FAM171A1: variants seen among roughly 807,000 people sequenced by gnomAD.
The protein encoded by FAM171A1 is protein FAM171A1.
A neutral mutation model predicts 74.9 loss-of-function variants in FAM171A1; 23 were observed. That is an observed-to-expected ratio of 0.31 (90% confidence interval 0.22 to 0.44). The LOEUF is 0.44. Ranked by LOEUF, FAM171A1 falls within the 20% of genes least tolerant of loss-of-function variation. The pLI, the probability that FAM171A1 is intolerant of heterozygous loss-of-function variation, is 1.00. For missense variants in FAM171A1, 1,162 were observed against 1,159.2 expected (o/e 1.00, Z -0.03); for synonymous variants, 527 against 505.7 (o/e 1.04, Z -0.57).
At chr10:15,265,578 GAAAAAAAAAAAA>G (rs58125400) in intron 3 of FAM171A1, among the ~76,000 whole-genome samples, 8 of 37,708 alleles carry the variant, frequency 2.1e-4, no homozygotes, top group Non-Finnish European at 3.0e-4. Flanking sequence ...TGGTGCCTCT[GAAAAAAAAAAAA>G]AAAAAAAAAA....
intron 3 of FAM171A1, among the ~76,000 whole-genome samples, chr10:15,268,015 T>C (rs184186450): frequency 6.6e-6 from 1 of 152,246 alleles, no homozygotes; most frequent in East Asian, 1.9e-4. Context: ...AGGCCGACAG[T>C]GAGCACGTGG....
intron 1 of FAM171A1, among the ~76,000 whole-genome samples, chr10:15,363,009 C>T (rs1004528156): frequency 6.6e-6 from 1 of 152,230 alleles, no homozygotes; most frequent in Non-Finnish European, 1.5e-5. Context: ...ATTTAGCACA[C>T]TGTCTTCATA....
At chr10:15,296,575 G>A (rs1409354554) in intron 1 of FAM171A1, among the ~76,000 whole-genome samples, 1 of 152,174 alleles carries the variant, frequency 6.6e-6, no homozygotes, top group African/African-American at 2.4e-5. Context: ...GGACTGTGCA[G>A]GCATACTTCA....
At chr10:15,271,784 A>C (rs1039163683) in intron 3 of FAM171A1, among the ~76,000 whole-genome samples, 2 of 152,194 alleles carry the variant, frequency 1.3e-5, no homozygotes, top group African/African-American at 4.8e-5. Flanking sequence ...CAGCCAAACT[A>C]AGCTTCATAA....
intron 1 of FAM171A1, among the ~76,000 whole-genome samples, chr10:15,350,264 G>A (rs984692688): frequency 2.6e-5 from 4 of 152,118 alleles, no homozygotes; most frequent in Non-Finnish European, 5.9e-5. Flanking sequence ...CCATCCAAAA[G>A]CTACAATCCA....
chr10:15,358,403 G>A (rs2131886702), intron 1 of FAM171A1, among the ~76,000 whole-genome samples: 1 of 152,282 alleles, frequency 6.6e-6, no homozygotes, highest in East Asian at 1.9e-4. Flanking sequence ...GAGAAAAAAG[G>A]CATCTCATTA....
At chr10:15,336,604 G>A (rs561688341) in intron 1 of FAM171A1, among the ~76,000 whole-genome samples, 16 of 152,276 alleles carry the variant, frequency 1.1e-4, no homozygotes, top group African/African-American at 3.4e-4. Context: ...GACTTATGAT[G>A]TGGTTGTGTC....
chr10:15,325,539 C>A (rs553379556), intron 1 of FAM171A1, among the ~76,000 whole-genome samples: 2 of 152,220 alleles, frequency 1.3e-5, no homozygotes, highest in East Asian at 3.9e-4. Context: ...TCCATCTTTT[C>A]TTTGCTTCTT....
intron 1 of FAM171A1, among the ~76,000 whole-genome samples, chr10:15,321,828 T>C (rs1241371645): frequency 6.6e-6 from 1 of 152,212 alleles, no homozygotes; most frequent in Non-Finnish European, 1.5e-5. Flanking sequence ...TAAGATAAAA[T>C]GCTTAAGATA....
rs1564611142 is a variant in FAM171A1, at chr10:15,213,168, G to A, written c.2420C>T (p.Thr807Ile). 17 of 1,614,006 alleles carry A rather than the reference G, an allele frequency of 1.1e-5. No homozygotes were observed. The highest frequency in any genetic ancestry group is 1.3e-5 in the Non-Finnish European group (15 of 1,180,046). ...GCATCGCAGGGCACTGTCCTCGGGGGTACAGACCGTGGTCCCACATTCGCT... is the reference window on the plus strand; with the variant it reads ...GCATCGCAGGGCACTGTCCTCGGGGATACAGACCGTGGTCCCACATTCGCT... ...SGSECGTTVC[T>I]PEDSALRCLL... Residue 807 changes from threonine (T) to isoleucine (I), a missense_variant, in exon 8 of 8, where the codon ACC (threonine) becomes ATC (isoleucine). Transcript: ENST00000378116. This position sits in a 1 kb window ranked among gnomAD's most constrained non-coding sequence, Gnocchi z 6.8.
chr10:15,228,636 G>A (rs4375345), intron 5 of FAM171A1, among the ~76,000 whole-genome samples: 46,923 of 152,082 alleles, frequency 0.31, 7,439 homozygotes, highest in Admixed American at 0.35. Flanking sequence ...CGTGCGCCCC[G>A]CGCCAGCCCA....
chr10:15,322,729 G>A (rs780778557), intron 1 of FAM171A1, among the ~76,000 whole-genome samples: 9 of 152,202 alleles, frequency 5.9e-5, no homozygotes, highest in Non-Finnish European at 7.3e-5. Flanking sequence ...CAGTGTTTGG[G>A]GTCTGGTCCT....
rs558011128 is a variant in FAM171A1 at position 15,219,541 on chromosome 10, A to G, written c.871+1403T>C. Among the ~76,000 whole-genome samples the G allele has an allele frequency of 3.3e-5, 5 of 152,330 alleles. No homozygotes were observed. In the East Asian group the frequency reaches 9.6e-4, roughly 29 times the overall value. ...GCATTTCTACGTGTGGTTCATGCTT[A>G]TATCACTACAAAAACAATAGCATCA... On this transcript the variant is annotated intron_variant, in intron 6 of 7. Transcript: ENST00000378116.
chr10:15,254,915 A>G (rs1351673620), intron 3 of FAM171A1, 36 bp from the exon 4 acceptor site: 3 of 1,592,506 alleles, frequency 1.9e-6, no homozygotes, highest in African/African-American at 1.3e-5. Flanking sequence ...CTCCCCCAGG[A>G]GCAGTTTCTG....
At chr10:15,319,251 C>T (rs887014030) in intron 1 of FAM171A1, among the ~76,000 whole-genome samples, 24 of 152,018 alleles carry the variant, frequency 1.6e-4, no homozygotes, top group Non-Finnish European at 2.9e-5. Context: ...CAGAAAAGTC[C>T]ACGTTCACCA....
chr10:15,291,502 C>T (rs557314861), intron 1 of FAM171A1, among the ~76,000 whole-genome samples: 2 of 152,182 alleles, frequency 1.3e-5, no homozygotes, highest in Non-Finnish European at 2.9e-5. Flanking sequence ...ATATTTCTAT[C>T]ATTGCAGAAA....
At chr10:15,239,422 A>C (rs1416968603) in intron 5 of FAM171A1, among the ~76,000 whole-genome samples, 2 of 151,854 alleles carry the variant, frequency 1.3e-5, no homozygotes, top group Admixed American at 1.3e-4. Context: ...TCAGCCTCCC[A>C]AGAAGCTGGG....
intron 1 of FAM171A1, among the ~76,000 whole-genome samples, chr10:15,339,724 A>C (rs1835742435): frequency 6.6e-6 from 1 of 152,010 alleles, no homozygotes. Flanking sequence ...GGCTACACTT[A>C]ATGGGGGAAG....
At chr10:15,359,672 T>C (rs916914858) in intron 1 of FAM171A1, among the ~76,000 whole-genome samples, 2 of 152,136 alleles carry the variant, frequency 1.3e-5, no homozygotes, top group Non-Finnish European at 2.9e-5. Flanking sequence ...GAGATTATCC[T>C]GAATGAGCCC....
Sources: allele counts gnomAD v4.1 joint callset (sites outside exome capture counted in the v4.1 genomes callset), GRCh38; gene constraint gnomAD v4.1.1; non-coding constraint Gnocchi (gnomAD v3.1); transcripts MANE v1.5; gene names NCBI Gene and HGNC (gene_info 2026-07-23, HGNC 2026-07-21).